Variants in EYS observed in about 807,000 individuals in gnomAD.
The protein encoded by EYS is EGF-like photoreceptor maintenance factor.
EYS carries 250 observed loss-of-function variants against 282.1 expected under a neutral mutation model. The observed-to-expected ratio is 0.89, with a 90% CI of 0.80 to 0.98. The LOEUF (loss-of-function observed/expected upper bound fraction) is 0.98, where lower values mean the gene tolerates loss of function less well. Ranked by LOEUF, EYS falls within the 50% of genes least tolerant of loss-of-function variation. The pLI is 0.00. For missense variants in EYS, 4,016 were observed against 3,709.0 expected, an observed-to-expected ratio of 1.08 and a Z score of -2.15; for synonymous variants, 1,355 against 1,282.9, an observed-to-expected ratio of 1.06 and a Z score of -1.20.
At chr6:63,945,150 GAA>G (rs1765358150) in intron 35 of EYS, among the ~76,000 whole-genome samples, 1 of 152,086 alleles carries the variant, frequency 6.6e-6, no homozygotes, top group South Asian at 2.1e-4. Flanking sequence ...ATTTAAGAAG[GAA>G]AGAGGTTTAA....
rs142645349 is a variant in EYS at position 64,782,301 on chromosome 6, T to C, written c.3443+31077A>G. Among the ~76,000 whole-genome samples, 486 of 152,320 alleles carry C rather than the reference T, an allele frequency of 3.2e-3. 1 individual carries two copies. The highest frequency in any genetic ancestry group is 0.011 in the African/African-American group (458 of 41,580). On this transcript the variant is annotated intron_variant, in intron 22 of 42. Coordinates refer to ENST00000503581, the MANE Select transcript of EYS (RefSeq NM_001142800.2). ...ATCACACTGTGAACCTTCCAGAATA[T>C]TGAAACTCTATTTTAGAGGAAACAA...
rs759507584 is a variant in EYS, at chr6:65,557,793, T to C, written c.-332-61800A>G. Among the ~76,000 whole-genome samples the C allele has an allele frequency of 9.9e-5, 15 of 152,144 alleles. No individual in the cohort carries two copies. In the East Asian group the frequency reaches 1.2e-3, roughly 12 times the overall value. On this transcript the variant is annotated intron_variant, in intron 2 of 42. Transcript: ENST00000503581. Reference sequence around the variant, plus strand: ...TAGCAAAAGGCAGAGAGGAGTTTTATTGAGTGACAGAATAGCTCTCAGGAG... The same window carrying C: ...TAGCAAAAGGCAGAGAGGAGTTTTACTGAGTGACAGAATAGCTCTCAGGAG...
chr6:64,499,438 AT>A (rs1255624019), intron 26 of EYS, among the ~76,000 whole-genome samples: 1 of 151,992 alleles, frequency 6.6e-6, no homozygotes, highest in Non-Finnish European at 1.5e-5. Context: ...TCTGGGCCTG[AT>A]TTTGTTTTCA....
At position 64,556,396 on chromosome 6, in the gene EYS, C is replaced by T. The variant is rs115017824; in HGVS notation, c.5644+33827G>A. ...TAGACACAGAGGGTCTGTGGTGTAT[C>T]GTCCCATGTACATGATATTTGAGGA... On this transcript the variant is annotated intron_variant, in intron 26 of 42. Coordinates refer to ENST00000503581, the MANE Select transcript of EYS (RefSeq NM_001142800.2). 4.4e-3 allele frequency among the ~76,000 whole-genome samples: 666 copies of T among 151,974 alleles called. 4 individuals carry two copies. The highest frequency in any genetic ancestry group is 0.015 in the African/African-American group (614 of 41,502).
chr6:65,468,405 T>C (rs1341851991), intron 5 of EYS, among the ~76,000 whole-genome samples: 1 of 152,148 alleles, frequency 6.6e-6, no homozygotes, highest in African/African-American at 2.4e-5. Flanking sequence ...AGTTAAATAA[T>C]ACTATGCACA....
chr6:65,232,922 G>A (rs532989779), intron 12 of EYS, among the ~76,000 whole-genome samples: 4 of 151,970 alleles, frequency 2.6e-5, no homozygotes, highest in African/African-American at 4.8e-5. Flanking sequence ...TTTTCACTTA[G>A]CATGTTTTCA....
chr6:65,129,807 A>T (rs1193573470), intron 12 of EYS, among the ~76,000 whole-genome samples: 1 of 151,916 alleles, frequency 6.6e-6, no homozygotes, highest in Non-Finnish European at 1.5e-5. Flanking sequence ...CCAATACTGG[A>T]TATACACTCA....
At chr6:65,323,943 C>T (rs1167517070) in intron 11 of EYS, among the ~76,000 whole-genome samples, 4 of 152,240 alleles carry the variant, frequency 2.6e-5, no homozygotes, top group African/African-American at 9.6e-5. Flanking sequence ...CCCACTCCCT[C>T]ACTTTCCCAG....
chr6:64,321,607 A>C (rs754497128), intron 29 of EYS, among the ~76,000 whole-genome samples: 4 of 151,954 alleles, frequency 2.6e-5, no homozygotes, highest in African/African-American at 4.8e-5. Flanking sequence ...ATGCCTACTA[A>C]GTATTTATTA....
At chr6:64,745,884 T>C (rs1772541580) in intron 22 of EYS, among the ~76,000 whole-genome samples, 1 of 152,186 alleles carries the variant, frequency 6.6e-6, no homozygotes, top group East Asian at 1.9e-4. Flanking sequence ...ATATATGTTA[T>C]ACATTTGATC....
chr6:64,622,803 G>T (rs1562096949), intron 23 of EYS, among the ~76,000 whole-genome samples: 1 of 152,068 alleles, frequency 6.6e-6, no homozygotes, highest in East Asian at 1.9e-4. Flanking sequence ...ATAAGATAAT[G>T]GCATGACTGA....
intron 6 of EYS, 137 bp downstream of exon 6, chr6:65,405,036 AG>A: frequency 1.6e-6 from 1 of 607,150 alleles, no homozygotes; most frequent in South Asian, 2.5e-5. Flanking sequence ...AATTAAAATA[AG>A]TAGACCGTTC....
intron 28 of EYS, among the ~76,000 whole-genome samples, chr6:64,425,737 A>G (rs573349388): frequency 6.6e-6 from 1 of 151,988 alleles, no homozygotes; most frequent in Admixed American, 6.6e-5. Context: ...TAGATGTAAG[A>G]CGAAATGTTG....
intron 22 of EYS, among the ~76,000 whole-genome samples, chr6:64,687,167 G>T (rs964133546): frequency 5.7e-4 from 86 of 151,672 alleles, no homozygotes; most frequent in African/African-American, 2.0e-3. Flanking sequence ...TAGAGAGAAA[G>T]AAACACATTC....
chr6:64,945,985 CT>C lies in EYS; in HGVS notation c.2260-72del, dbSNP rs1271965043. On this transcript the variant is annotated intron_variant, in intron 14 of 42. Coordinates refer to ENST00000503581, the MANE Select transcript of EYS (RefSeq NM_001142800.2). ...TAAGCCTATAATACAGATATTACTCCTGGCCATTTTGATATCTCTGTCAATT... is the reference window on the plus strand; with the variant it reads ...TAAGCCTATAATACAGATATTACTCCGGCCATTTTGATATCTCTGTCAATT... 7 of 1,193,982 alleles carry C rather than the reference CT, an allele frequency of 5.9e-6. No individual in the cohort carries two copies. The African/African-American group carries it at 9.4e-5, about 16-fold the overall frequency. The allele number at this position is 1,193,982 out of a possible 1,614,324, so 74.0% of individuals were successfully genotyped here.
At chr6:65,443,552 G>GTATACACACATATGTGTATATACA (rs1562186973) in intron 5 of EYS, among the ~76,000 whole-genome samples, 12 of 135,568 alleles carry the variant, frequency 8.9e-5, no homozygotes, top group East Asian at 4.6e-4. Flanking sequence ...CACATGATAC[G>GTATACACACATATGTGTATATACA]CATACATGTA....
intron 12 of EYS, among the ~76,000 whole-genome samples, chr6:65,174,812 TTATAA>T (rs1303445444): frequency 4.0e-5 from 6 of 151,412 alleles, no homozygotes; most frequent in East Asian, 3.9e-4. Context: ...TTTGTATGTA[TTATAA>T]TATGATAATA....
intron 8 of EYS, among the ~76,000 whole-genome samples, chr6:65,363,221 CT>C (rs35291456): frequency 0.67 from 101,928 of 151,214 alleles, 34,512 homozygotes; most frequent in South Asian, 0.71. Context: ...TTAAATCTTC[CT>C]TTTGCTCTTA....
intron 26 of EYS, among the ~76,000 whole-genome samples, chr6:64,520,518 G>C (rs989184536): frequency 5.9e-5 from 9 of 151,382 alleles, no homozygotes; most frequent in African/African-American, 1.9e-4. Flanking sequence ...TTTTGAGTGG[G>C]GTTTGCATTT....
Sources: gnomAD v4.1 joint callset for allele counts (sites outside exome capture counted in the v4.1 genomes callset) on GRCh38, gnomAD v4.1.1 for gene constraint, MANE v1.5 for transcripts, NCBI Gene and HGNC (gene_info 2026-07-23, HGNC 2026-07-21) for gene names.